ABCC5: variants seen among roughly 807,000 people sequenced by gnomAD.
The protein encoded by ABCC5 is ATP binding cassette subfamily C member 5.
A neutral mutation model predicts 160.9 loss-of-function variants in ABCC5; 61 were observed. The ratio of observed to expected loss-of-function variants is 0.38; its 90% CI spans 0.31 to 0.47. The LOEUF (loss-of-function observed/expected upper bound fraction) is 0.47, where lower values mean the gene tolerates loss of function less well. Ranked by LOEUF, ABCC5 falls within the 20% of genes least tolerant of loss-of-function variation. The probability of loss-of-function intolerance (pLI) is 0.99; values close to 1 mark genes in which losing one functional copy is unlikely to be tolerated. For synonymous variants in ABCC5, 666 were observed against 700.6 expected (o/e 0.95, Z 0.78); for missense variants, 1,308 against 1,813.3 (o/e 0.72, Z 5.06).
In ABCC5 at chr3:183,963,520, A is replaced by G. The variant is rs1716959754; in HGVS notation, c.2100T>C (p.Tyr700=). ...CCAGGATGTAGATGCTCCTGTCACTATACAAGGCCCGGGCAAGGCTGATCC... is the reference window on the plus strand; with the variant it reads ...CCAGGATGTAGATGCTCCTGTCACTGTACAAGGCCCGGGCAAGGCTGATCC... ...RQRISLARAL[Y]SDRSIYILDD... is the part of the protein sequence containing the mutation. Residue 700 remains tyrosine (Y), a synonymous_variant, in exon 15 of 30, where the codon TAT becomes TAC. Transcript: ENST00000334444. This position sits in a 1 kb window ranked among gnomAD's most constrained non-coding sequence, Gnocchi z 4.6. 6.2e-7 allele frequency: 1 copy of G among 1,614,202 alleles called. No individual in the cohort carries two copies. The highest frequency in any genetic ancestry group is 8.5e-7 in the Non-Finnish European group (1 of 1,180,038).
At position 183,977,606 on chromosome 3, in the gene ABCC5, C is replaced by CT; in HGVS notation, c.1314dup (p.Val439SerfsTer27). 6.2e-7 allele frequency: 1 copy of CT among 1,613,776 alleles called. No homozygotes were observed. The highest frequency in any genetic ancestry group is 8.5e-7 in the Non-Finnish European group (1 of 1,179,726). ...AAAGCAAAAGTCATGGAATTGAAGA[C>CT]TGTCACCACTGTGAAAGCCTGAAAA... On this transcript the variant is annotated frameshift_variant, in exon 10 of 30. Coordinates refer to ENST00000334444, the MANE Select transcript of ABCC5 (RefSeq NM_005688.4). LOFTEE classifies it high-confidence loss of function.
intron 25 of ABCC5, chr3:183,942,323 T>C (rs1714445150): frequency 4.4e-6 from 2 of 452,246 alleles, no homozygotes; most frequent in East Asian, 1.4e-4. Flanking sequence ...CATGAGCCAC[T>C]GCGCCCAGCC....
chr3:183,985,428 A>G, intron 5 of ABCC5: 1 of 1,495,274 alleles, frequency 6.7e-7, no homozygotes, highest in Non-Finnish European at 9.3e-7. Context: ...ACTCCCCCCA[A>G]ATCCAGATCC....
At chr3:183,985,174 A>T in intron 5 of ABCC5, 2 of 903,858 alleles carry the variant, frequency 2.2e-6, no homozygotes, top group African/African-American at 3.3e-5. Flanking sequence ...TGAAAAATCC[A>T]ACCAAAATTT....
intron 2 of ABCC5, among the ~76,000 whole-genome samples, chr3:184,009,523 A>G (rs538379492): frequency 6.6e-6 from 1 of 152,312 alleles, no homozygotes; most frequent in South Asian, 2.1e-4. Context: ...TTCTCAGACC[A>G]CAAAATTTCT....
intron 16 of ABCC5, 88 bp from the exon 17 acceptor site, chr3:183,959,923 A>C: frequency 1.1e-6 from 1 of 889,040 alleles, no homozygotes; most frequent in Admixed American, 2.6e-5. Context: ...TCATCAATTA[A>C]ACTGCTATTA....
intron 2 of ABCC5, among the ~76,000 whole-genome samples, chr3:183,992,981 A>G (rs1719912564): frequency 6.6e-6 from 1 of 152,234 alleles, no homozygotes; most frequent in African/African-American, 2.4e-5. Flanking sequence ...CAAAATGTTG[A>G]CACAATTCAG....
chr3:183,997,682 C>T (rs558778205), intron 2 of ABCC5, among the ~76,000 whole-genome samples: 41 of 152,338 alleles, frequency 2.7e-4, no homozygotes, highest in African/African-American at 9.4e-4. Flanking sequence ...AAAATACCTT[C>T]TTTCCCTTAC....
chr3:183,923,397 C>A (rs928674651), intron 29 of ABCC5, among the ~76,000 whole-genome samples: 3 of 151,974 alleles, frequency 2.0e-5, no homozygotes, highest in Non-Finnish European at 4.4e-5. Context: ...CTGAGGTGGG[C>A]GGATTATCTG....
At chr3:183,925,192 GGAT>G (rs1712412892) in intron 29 of ABCC5, among the ~76,000 whole-genome samples, 1 of 152,190 alleles carries the variant, frequency 6.6e-6, no homozygotes, top group Admixed American at 6.5e-5. Context: ...CATGTACCAG[GGAT>G]GATAATTGTG....
intron 10 of ABCC5, among the ~76,000 whole-genome samples, chr3:183,975,402 C>T (rs1049296281): frequency 8.6e-5 from 13 of 151,826 alleles, no homozygotes; most frequent in South Asian, 2.1e-4. Context: ...AGTGCAGTGG[C>T]GCGATCTCGA....
chr3:183,934,992 T>C lies in ABCC5; in HGVS notation c.3854+2909A>G, dbSNP rs553021026. On this transcript the variant is annotated intron_variant, in intron 26 of 29. Transcript: ENST00000334444. ...TCTTCCAAATGATGATTTAAAAAAC[T>C]AGTTCTTATGGCCAAAGCCAAATAT... Among the ~76,000 whole-genome samples, 41 of 152,298 alleles carry C rather than the reference T, an allele frequency of 2.7e-4. 2 individuals carry two copies. The South Asian group carries it at 8.5e-3, about 32-fold the overall frequency.
At chr3:183,930,600 C>A (rs767872006) in intron 26 of ABCC5, among the ~76,000 whole-genome samples, 2 of 152,210 alleles carry the variant, frequency 1.3e-5, no homozygotes, top group Admixed American at 1.3e-4. Flanking sequence ...GAGATGGCCA[C>A]GTGAAGGCAG....
intron 8 of ABCC5, 42 bp from the exon 9 acceptor site, chr3:183,978,693 A>C (rs1718438135): frequency 6.3e-7 from 1 of 1,597,108 alleles, no homozygotes; most frequent in African/African-American, 1.3e-5. Flanking sequence ...AAGTTAAAAG[A>C]AGCCTAGGGA....
Position 183,951,716 on chromosome 3 carries a change from G to T in ABCC5, c.2814+141C>A. 6.8e-7 allele frequency: 1 copy of T among 1,463,064 alleles called. No homozygotes were observed. Among genetic ancestry groups the T allele is most frequent in the Non-Finnish European group, 9.3e-7 (1 of 1,079,644 alleles). The allele number at this position is 1,463,064 out of a possible 1,614,324, so 90.6% of individuals were successfully genotyped here. A position where few individuals can be genotyped will look rare whatever the true frequency, so the allele number is the denominator to read the frequency against. ...AGGTGGCAAGTGAGAAAAGGTGGAG[G>T]CTAACGGAATATGAGTCATCTCAGC... On this transcript the variant is annotated intron_variant, in intron 19 of 29. Transcript: ENST00000334444. The surrounding 1 kb of genome is among the most constrained non-coding windows in gnomAD (Gnocchi z 4.7).
rs145243594 is a variant in ABCC5, at chr3:183,992,600, A to G, written c.130-3217T>C. 5.2e-3 allele frequency among the ~76,000 whole-genome samples: 794 copies of G among 152,208 alleles called. 11 individuals are homozygous for G. The highest frequency in any genetic ancestry group is 0.018 in the African/African-American group (742 of 41,536). On this transcript the variant is annotated intron_variant, in intron 2 of 29. Transcript: ENST00000334444. ...GGAGATCGAGACCATCCTGGCTAACACGGTGAAACCCCGTCTCTACTAAAA... is the reference window on the plus strand; with the variant it reads ...GGAGATCGAGACCATCCTGGCTAACGCGGTGAAACCCCGTCTCTACTAAAA...
intron 26 of ABCC5, 31 bp from the exon 27 acceptor site, chr3:183,928,856 TC>T: frequency 6.3e-7 from 1 of 1,596,540 alleles, no homozygotes; most frequent in Non-Finnish European, 8.6e-7. Context: ...TTCTCAGTGG[TC>T]CCACCCTAAG....
rs6443926 is a variant in ABCC5 at position 183,988,842 on chromosome 3, A to C, written c.288-115T>G. On this transcript the variant is annotated intron_variant, in intron 3 of 29. Coordinates refer to ENST00000334444, the MANE Select transcript of ABCC5 (RefSeq NM_005688.4). This position sits in a 1 kb window ranked among gnomAD's most constrained non-coding sequence, Gnocchi z 4.4. ...CTTAGCTAAAGACCAGTCTCCCCAGATGATCTAATCTTAGCCTGAATGTTC... is the reference window on the plus strand; with the variant it reads ...CTTAGCTAAAGACCAGTCTCCCCAGCTGATCTAATCTTAGCCTGAATGTTC... 0.57 allele frequency: 695,382 copies of C among 1,214,940 alleles called. 202,507 individuals carry two copies. Among genetic ancestry groups the C allele is most frequent in the East Asian group, 0.85 (33,740 of 39,522 alleles). 75.3% of individuals were successfully genotyped at this position (1,214,940 alleles called of 1,614,324 possible).
intron 5 of ABCC5, chr3:183,984,961 G>T: frequency 7.3e-7 from 1 of 1,373,810 alleles, no homozygotes; most frequent in Non-Finnish European, 1.0e-6. Context: ...CCATTTTTCA[G>T]CACTGGGTAA....
Sources: gnomAD v4.1 joint callset for allele counts (sites outside exome capture counted in the v4.1 genomes callset) on GRCh38, gnomAD v4.1.1 for gene constraint, Gnocchi (gnomAD v3.1) non-coding constraint, MANE v1.5 for transcripts, NCBI Gene and HGNC (gene_info 2026-07-23, HGNC 2026-07-21) for gene names.